Variants in GPM6A observed in about 807,000 individuals in gnomAD.
GPM6A encodes glycoprotein M6A, also known as neuronal membrane glycoprotein M6-a.
GPM6A carries 7 observed loss-of-function variants against 32.1 expected under a neutral mutation model. The ratio of observed to expected loss-of-function variants is 0.22; its 90% CI spans 0.12 to 0.41. GPM6A has a LOEUF of 0.41. Ranked by LOEUF, GPM6A falls within the 10% of genes least tolerant of loss-of-function variation. The probability of loss-of-function intolerance (pLI) is 1.00; values close to 1 mark genes in which losing one functional copy is unlikely to be tolerated. For synonymous variants in GPM6A, 130 were observed against 123.4 expected (o/e 1.05, Z -0.35); for missense variants, 235 against 347.2 (o/e 0.68, Z 2.57).
chr4:175,635,772 CT>C (rs1740541437), intron 6 of GPM6A, among the ~76,000 whole-genome samples: 1 of 152,052 alleles, frequency 6.6e-6, no homozygotes, highest in African/African-American at 2.4e-5. Flanking sequence ...TTTTTCTTTT[CT>C]TTCTTCCCTC....
chr4:175,830,836 G>T (rs538215854), intron 1 of GPM6A, among the ~76,000 whole-genome samples: 1 of 149,276 alleles, frequency 6.7e-6, no homozygotes. Context: ...TGATTTGTTC[G>T]TTTATATATC....
At chr4:175,637,675 AT>A (rs1244490896) in intron 6 of GPM6A, among the ~76,000 whole-genome samples, 4 of 1,572 alleles carry the variant, frequency 2.5e-3, no homozygotes, top group South Asian at 0.012. Context: ...AATATATATA[AT>A]ATATATATAA....
At chr4:175,721,617 A>G (rs1190930375) in intron 1 of GPM6A, among the ~76,000 whole-genome samples, 1 of 152,204 alleles carries the variant, frequency 6.6e-6, no homozygotes, top group Non-Finnish European at 1.5e-5. Context: ...AAGCCATGGG[A>G]GCTAATTCTT....
chr4:175,965,414 G>A (rs1740303103), intron 1 of GPM6A, among the ~76,000 whole-genome samples: 1 of 151,908 alleles, frequency 6.6e-6, no homozygotes, highest in Admixed American at 6.6e-5. Context: ...TCTAAAGTAA[G>A]CAGCAGAAAA....
In GPM6A at chr4:175,727,719, G is replaced by A. The variant is rs117431332; in HGVS notation, c.38-25952C>T. 2.3e-3 allele frequency among the ~76,000 whole-genome samples: 357 copies of A among 152,096 alleles called. 6 individuals are homozygous for A. The East Asian group carries it at 0.038, about 16-fold the overall frequency. ...TTATACAATTATAAAAACTTACGGC[G>A]TGGGCTGGGCATGGTGGCTCACACC... On this transcript the variant is annotated intron_variant, in intron 1 of 6. Coordinates refer to ENST00000393658, the MANE Select transcript of GPM6A (RefSeq NM_201591.3).
intron 1 of GPM6A, chr4:175,787,194 G>C (rs1474724038): frequency 1.6e-6 from 1 of 631,846 alleles, no homozygotes; most frequent in South Asian, 1.9e-5. Context: ...CTTTTCATTG[G>C]ATGTGACATG....
intron 2 of GPM6A, among the ~76,000 whole-genome samples, chr4:175,677,137 G>T (rs1193020960): frequency 6.6e-6 from 1 of 152,008 alleles, no homozygotes; most frequent in Non-Finnish European, 1.5e-5. Context: ...AACTGCATTT[G>T]TTGTTGTTTT....
chr4:175,892,393 C>T (rs537748769), intron 1 of GPM6A, among the ~76,000 whole-genome samples: 1 of 152,238 alleles, frequency 6.6e-6, no homozygotes, highest in South Asian at 2.1e-4. Flanking sequence ...TCTCAAATGT[C>T]CAATACTGTC....
At chr4:175,640,693 C>G in intron 5 of GPM6A, 60 bp downstream of exon 5, 1 of 1,134,538 alleles carries the variant, frequency 8.8e-7, no homozygotes, top group Non-Finnish European at 1.3e-6. Context: ...ATACATTATC[C>G]AAATAATAAA....
chr4:175,800,472 T>C (rs1472087459), intron 1 of GPM6A, among the ~76,000 whole-genome samples: 1 of 152,204 alleles, frequency 6.6e-6, no homozygotes. Context: ...TAATCTGTCC[T>C]ATAGTAAGAT....
chr4:175,679,716 C>G (rs1434563325), intron 2 of GPM6A, among the ~76,000 whole-genome samples: 1 of 152,176 alleles, frequency 6.6e-6, no homozygotes, highest in Non-Finnish European at 1.5e-5. Flanking sequence ...GTTAGTGACA[C>G]GGACTAATGG....
At chr4:175,913,604 G>T (rs956945449) in intron 1 of GPM6A, among the ~76,000 whole-genome samples, 1 of 151,988 alleles carries the variant, frequency 6.6e-6, no homozygotes, top group Non-Finnish European at 1.5e-5. Context: ...ATTCAATCCG[G>T]CCACATCAGC....
chr4:175,811,189 T>C (rs1187734691), intron 1 of GPM6A, among the ~76,000 whole-genome samples: 1 of 152,148 alleles, frequency 6.6e-6, no homozygotes. Context: ...TTTTATCACA[T>C]AAAATACAGT....
chr4:175,853,324 A>T (rs933973615), intron 1 of GPM6A, among the ~76,000 whole-genome samples: 2 of 152,060 alleles, frequency 1.3e-5, no homozygotes, highest in Admixed American at 6.6e-5. Flanking sequence ...TTAATAAAAT[A>T]CTCTAGAGCT....
chr4:175,677,421 G>T (rs142972608), intron 2 of GPM6A, among the ~76,000 whole-genome samples: 44 of 152,138 alleles, frequency 2.9e-4, no homozygotes, highest in Middle Eastern at 3.4e-3. Flanking sequence ...GTTGGCATAA[G>T]ACAAAAACCT....
chr4:175,883,222 G>A lies in GPM6A; in HGVS notation c.-22-70973C>T, dbSNP rs183770950. On this transcript the variant is annotated intron_variant, in intron 1 of 7. Coordinates refer to the GPM6A transcript ENST00000280187. ...CTTTGTAACATACTGGTTTGAGATT[G>A]CTTCTTCTGAAAATATGCACATGTA... 9.4e-4 allele frequency among the ~76,000 whole-genome samples: 143 copies of A among 152,086 alleles called. 1 individual carries two copies. Among genetic ancestry groups the A allele is most frequent in the African/African-American group, 2.9e-3 (122 of 41,526 alleles).
At chr4:175,812,343 T>TTTTTTTTTGGG, upstream of GPM6A, 1 of 1,050,338 alleles carries the variant, frequency 9.5e-7, no homozygotes, top group Non-Finnish European at 1.3e-6. Flanking sequence ...TTTTTTTTCC[T>TTTTTTTTTGGG]GGGAAGCTCC....
intron 1 of GPM6A, among the ~76,000 whole-genome samples, chr4:175,960,048 G>T (rs1269173525): frequency 6.6e-6 from 1 of 152,126 alleles, no homozygotes; most frequent in Non-Finnish European, 1.5e-5. Context: ...ATTAACCATG[G>T]TTACATCGTC....
chr4:175,738,219 T>C (rs950982470), intron 1 of GPM6A, among the ~76,000 whole-genome samples: 3 of 152,126 alleles, frequency 2.0e-5, no homozygotes, highest in African/African-American at 7.2e-5. Context: ...ATTACAGACA[T>C]GAGTTACCGC....
Sources: allele counts gnomAD v4.1 joint callset (sites outside exome capture counted in the v4.1 genomes callset), GRCh38; gene constraint gnomAD v4.1.1; transcripts MANE v1.5; gene names NCBI Gene and HGNC (gene_info 2026-07-23, HGNC 2026-07-21).